Variants in RAB3C observed in about 807,000 individuals in gnomAD.
RAB3C encodes the protein RAB3C, member RAS oncogene family.
Under a neutral mutation model 26.4 loss-of-function variants are expected in RAB3C, and 17 were observed. The ratio of observed to expected loss-of-function variants is 0.64; its 90% CI spans 0.44 to 0.97. RAB3C has a LOEUF of 0.97. Ranked by LOEUF, RAB3C falls within the 50% of genes least tolerant of loss-of-function variation. RAB3C has a pLI of 0.00. For synonymous variants in RAB3C, 91 were observed against 95.9 expected (o/e 0.95, Z 0.30); for missense variants, 242 against 281.9 (o/e 0.86, Z 1.01).
intron 2 of RAB3C, among the ~76,000 whole-genome samples, chr5:58,659,686 G>T (rs1191175493): frequency 6.6e-6 from 1 of 152,138 alleles, no homozygotes; most frequent in Admixed American, 6.5e-5. Context: ...AAGAAAGTAA[G>T]TCTGAAAACT....
chr5:58,636,388 A>G (rs944703778), intron 2 of RAB3C, among the ~76,000 whole-genome samples: 1 of 152,172 alleles, frequency 6.6e-6, no homozygotes. Context: ...CTGGTCAAGT[A>G]TCCATCATAA....
chr5:58,758,570 G>A (rs989519218), intron 3 of RAB3C, among the ~76,000 whole-genome samples: 9 of 152,130 alleles, frequency 5.9e-5, no homozygotes, highest in East Asian at 1.9e-4. Context: ...GTTGAGAACC[G>A]TTCTGGAAAC....
chr5:58,628,677 C>CT (rs113624780), intron 2 of RAB3C, among the ~76,000 whole-genome samples: 100,010 of 151,290 alleles, frequency 0.66, 33,982 homozygotes, highest in African/African-American at 0.82. Flanking sequence ...AAAACTTAGT[C>CT]CCCGGAGCAC....
intron 2 of RAB3C, among the ~76,000 whole-genome samples, chr5:58,634,481 C>T (rs1168082093): frequency 6.6e-6 from 1 of 152,110 alleles, no homozygotes; most frequent in Non-Finnish European, 1.5e-5. Context: ...GAATATCTCC[C>T]TTATAGTATG....
chr5:58,803,379 A>G (rs1191678328), intron 3 of RAB3C, among the ~76,000 whole-genome samples: 1 of 152,164 alleles, frequency 6.6e-6, no homozygotes, highest in East Asian at 1.9e-4. Context: ...TATTTCAGAG[A>G]CTGTCAAAAG....
At chr5:58,655,678 A>G (rs1465981561) in intron 2 of RAB3C, among the ~76,000 whole-genome samples, 3 of 152,174 alleles carry the variant, frequency 2.0e-5, no homozygotes, top group African/African-American at 7.2e-5. Flanking sequence ...ATAACCCAAA[A>G]TATTATGACA....
chr5:58,848,412 G>A (rs918514147), intron 4 of RAB3C: 1 of 152,174 alleles, frequency 6.6e-6, no homozygotes, highest in Non-Finnish European at 1.5e-5. Flanking sequence ...CAAAATGGTA[G>A]CTTACTTTTT....
chr5:58,706,530 A>G (rs951714792), intron 2 of RAB3C, among the ~76,000 whole-genome samples: 3 of 152,218 alleles, frequency 2.0e-5, no homozygotes, highest in Non-Finnish European at 2.9e-5. Flanking sequence ...CTAGGATTAA[A>G]ATAAAGTATC....
At chr5:58,728,753 A>C (rs1457733222) in intron 3 of RAB3C, among the ~76,000 whole-genome samples, 2 of 152,002 alleles carry the variant, frequency 1.3e-5, no homozygotes, top group East Asian at 3.9e-4. Context: ...TCTGAAGCCC[A>C]TTTCTGGTTA....
chr5:58,689,499 A>G (rs1269946970), intron 2 of RAB3C, among the ~76,000 whole-genome samples: 1 of 151,958 alleles, frequency 6.6e-6, no homozygotes, highest in Non-Finnish European at 1.5e-5. Flanking sequence ...TATTTTATTT[A>G]CTGTAGATGT....
chr5:58,732,108 T>A (rs1200611043), intron 3 of RAB3C, among the ~76,000 whole-genome samples: 2 of 151,158 alleles, frequency 1.3e-5, no homozygotes, highest in Non-Finnish European at 2.9e-5. Context: ...TGTTTTTTTT[T>A]TTTAAATTAT....
intron 2 of RAB3C, among the ~76,000 whole-genome samples, chr5:58,685,144 G>A (rs1748417840): frequency 6.6e-6 from 1 of 152,082 alleles, no homozygotes; most frequent in East Asian, 1.9e-4. Context: ...AGATACCAAA[G>A]GATGACTGTC....
intron 2 of RAB3C, among the ~76,000 whole-genome samples, chr5:58,722,344 T>C (rs980806424): frequency 6.6e-6 from 1 of 151,440 alleles, no homozygotes; most frequent in African/African-American, 2.4e-5. Flanking sequence ...GGGGAAGCTG[T>C]CTATTGTAGT....
chr5:58,586,515 G>A (rs1445669249), intron 1 of RAB3C, among the ~76,000 whole-genome samples: 2 of 151,960 alleles, frequency 1.3e-5, no homozygotes, highest in African/African-American at 2.4e-5. Flanking sequence ...TTTGAAAAGG[G>A]GCAATGTTTT....
intron 4 of RAB3C, among the ~76,000 whole-genome samples, chr5:58,835,552 T>G (rs1743728286): frequency 6.6e-6 from 1 of 152,242 alleles, no homozygotes; most frequent in Non-Finnish European, 1.5e-5. Context: ...CCCTCATTTT[T>G]CTACCTGGAT....
chr5:58,842,234 T>C (rs1369006085), intron 4 of RAB3C, among the ~76,000 whole-genome samples: 1 of 152,196 alleles, frequency 6.6e-6, no homozygotes, highest in Non-Finnish European at 1.5e-5. Flanking sequence ...CTGAGAAATT[T>C]GGAAGACACT....
chr5:58,596,771 A>G (rs1746278585), intron 1 of RAB3C, among the ~76,000 whole-genome samples: 1 of 104,698 alleles, frequency 9.6e-6, no homozygotes, highest in East Asian at 2.8e-4. Flanking sequence ...AATATATAAT[A>G]TATAATACAT....
At chr5:58,792,599 G>C (rs970561461) in intron 3 of RAB3C, among the ~76,000 whole-genome samples, 3 of 152,058 alleles carry the variant, frequency 2.0e-5, no homozygotes, top group Admixed American at 6.6e-5. Flanking sequence ...GGTGAGGGAG[G>C]GGGGAGATGA....
At chr5:58,656,484 G>A (rs1193573866) in intron 2 of RAB3C, among the ~76,000 whole-genome samples, 1 of 151,932 alleles carries the variant, frequency 6.6e-6, no homozygotes, top group Non-Finnish European at 1.5e-5. Context: ...TGCCCAAAAT[G>A]TGTACATTTG....
Sources: allele counts gnomAD v4.1 joint callset (sites outside exome capture counted in the v4.1 genomes callset), GRCh38; gene constraint gnomAD v4.1.1; transcripts MANE v1.5; gene names NCBI Gene and HGNC (gene_info 2026-07-23, HGNC 2026-07-21).